The following ST6GALNAC5 variants were observed in gnomAD, a reference collection of about 807,000 sequenced individuals.
ST6GALNAC5 encodes ST6 N-acetylgalactosaminide alpha-2,6-sialyltransferase 5, also known as alpha-N-acetylgalactosaminide alpha-2,6-sialyltransferase 5.
A neutral mutation model predicts 33.6 loss-of-function variants in ST6GALNAC5; 27 were observed. That is an observed-to-expected ratio of 0.80 (90% confidence interval 0.59 to 1.11). ST6GALNAC5 has a LOEUF of 1.11. ST6GALNAC5 is among the 50% of genes least tolerant of loss of function. The pLI is 0.00. For synonymous variants in ST6GALNAC5, 194 were observed against 171.2 expected (o/e 1.13, Z -1.04); for missense variants, 428 against 454.0 (o/e 0.94, Z 0.52).
chr1:76,937,509 G>A (rs1647222607), intron 2 of ST6GALNAC5, among the ~76,000 whole-genome samples: 1 of 152,024 alleles, frequency 6.6e-6, no homozygotes, highest in African/African-American at 2.4e-5. Context: ...GAAGGGTTGA[G>A]GCGTCTGAGT....
intron 2 of ST6GALNAC5, among the ~76,000 whole-genome samples, chr1:76,912,090 T>C (rs368934865): frequency 2.6e-5 from 4 of 152,106 alleles, no homozygotes; most frequent in Admixed American, 2.0e-4. Context: ...CTACACACTG[T>C]TTTGAATGTG....
At chr1:76,940,381 A>T (rs970565240) in intron 2 of ST6GALNAC5, among the ~76,000 whole-genome samples, 3 of 152,124 alleles carry the variant, frequency 2.0e-5, no homozygotes, top group East Asian at 3.9e-4. Flanking sequence ...TGTGCCTAGT[A>T]AGTAAAACTG....
At chr1:76,937,908 A>G (rs1308958113) in intron 2 of ST6GALNAC5, among the ~76,000 whole-genome samples, 1 of 152,034 alleles carries the variant, frequency 6.6e-6, no homozygotes, top group Non-Finnish European at 1.5e-5. Context: ...ATTGTCTTAC[A>G]TCCCCTCATC....
At chr1:76,897,453 T>C (rs192107636) in intron 2 of ST6GALNAC5, among the ~76,000 whole-genome samples, 283 of 152,308 alleles carry the variant, frequency 1.9e-3, no homozygotes, top group Middle Eastern at 3.4e-3. Flanking sequence ...TAAAAGGCCA[T>C]GCTGTAGCAG....
intron 2 of ST6GALNAC5, among the ~76,000 whole-genome samples, chr1:77,030,963 G>A (rs1405193412): frequency 6.6e-6 from 1 of 152,144 alleles, no homozygotes; most frequent in South Asian, 2.1e-4. Context: ...TGTCTGGGCA[G>A]TCTGCCTAAG....
intron 2 of ST6GALNAC5, among the ~76,000 whole-genome samples, chr1:76,898,675 T>C (rs954718905): frequency 2.6e-5 from 4 of 152,186 alleles, no homozygotes; most frequent in African/African-American, 9.7e-5. Flanking sequence ...AGCATTAACC[T>C]TGACTATGCC....
chr1:77,054,063 A>T (rs1652312621), intron 4 of ST6GALNAC5, among the ~76,000 whole-genome samples: 1 of 152,196 alleles, frequency 6.6e-6, no homozygotes, highest in Admixed American at 6.5e-5. Flanking sequence ...ATAAACCACA[A>T]GCCTTTTATT....
chr1:77,023,916 G>A (rs542501803), intron 2 of ST6GALNAC5, among the ~76,000 whole-genome samples: 21 of 152,254 alleles, frequency 1.4e-4, no homozygotes, highest in African/African-American at 4.6e-4. Context: ...GATTAAGCCC[G>A]CATGGGTTTG....
At chr1:77,033,152 A>C (rs1453674101) in intron 2 of ST6GALNAC5, among the ~76,000 whole-genome samples, 1 of 152,222 alleles carries the variant, frequency 6.6e-6, no homozygotes, top group Non-Finnish European at 1.5e-5. Context: ...CAACCAATGT[A>C]CTAGCATTTC....
At chr1:76,923,177 T>C (rs1428987296) in intron 2 of ST6GALNAC5, among the ~76,000 whole-genome samples, 2 of 152,012 alleles carry the variant, frequency 1.3e-5, no homozygotes, top group Admixed American at 6.6e-5. Context: ...TGGGGAATAC[T>C]GGTAAAAGGC....
chr1:76,950,716 C>A (rs1197757008), intron 2 of ST6GALNAC5, among the ~76,000 whole-genome samples: 1 of 151,874 alleles, frequency 6.6e-6, no homozygotes, highest in African/African-American at 2.4e-5. Context: ...GGAGGAAAGA[C>A]AAGGGTAGAG....
chr1:77,017,278 G>T (rs1650887885), intron 2 of ST6GALNAC5, among the ~76,000 whole-genome samples: 1 of 152,052 alleles, frequency 6.6e-6, no homozygotes, highest in Non-Finnish European at 1.5e-5. Context: ...GAATGTCAAT[G>T]AAGTAGAACA....
intron 2 of ST6GALNAC5, among the ~76,000 whole-genome samples, chr1:76,883,524 T>A (rs990502384): frequency 6.6e-6 from 1 of 152,228 alleles, no homozygotes; most frequent in African/African-American, 2.4e-5. Flanking sequence ...GGGCTTCAGG[T>A]ATCTGACATA....
Position 76,868,039 on chromosome 1 carries a change from AG to A in ST6GALNAC5, c.15+355del, listed in dbSNP as rs1188521128. Among the ~76,000 whole-genome samples, 1 of 152,086 alleles carries A rather than the reference AG, an allele frequency of 6.6e-6. No individual in the cohort carries two copies. Among genetic ancestry groups the A allele is most frequent in the South Asian group, 2.1e-4 (1 of 4,824 alleles). On this transcript the variant is annotated intron_variant, in intron 1 of 4. Transcript: ENST00000477717. The surrounding 1 kb of genome is among the most constrained non-coding windows in gnomAD (Gnocchi z 4.3). ...CTGCCAAAAACTAAGAGGGACGGGG[AG>A]GGGGGACCTTTGCAGACTTTCTTCG... is the stretch of plus-strand genomic sequence containing the variant.
At chr1:77,004,071 A>G (rs1472357986) in intron 2 of ST6GALNAC5, among the ~76,000 whole-genome samples, 1 of 145,760 alleles carries the variant, frequency 6.9e-6, no homozygotes, top group Non-Finnish European at 1.5e-5. Flanking sequence ...CTCCTGGATA[A>G]TATCCTGCAG....
intron 2 of ST6GALNAC5, among the ~76,000 whole-genome samples, chr1:77,024,926 C>T (rs80034905): frequency 0.032 from 4,899 of 152,284 alleles, 111 homozygotes; most frequent in Middle Eastern, 0.071. Flanking sequence ...TAGTCAGCCC[C>T]TCACCAGACA....
chr1:76,975,786 G>C (rs965770114), intron 2 of ST6GALNAC5, among the ~76,000 whole-genome samples: 1 of 152,050 alleles, frequency 6.6e-6, no homozygotes, highest in Non-Finnish European at 1.5e-5. Context: ...CAAAATATTA[G>C]TTACCTTTAA....
intron 2 of ST6GALNAC5, among the ~76,000 whole-genome samples, chr1:76,985,023 TAAG>T (rs1288387937): frequency 2.0e-5 from 3 of 152,042 alleles, no homozygotes; most frequent in African/African-American, 4.8e-5. Context: ...CTCAAAATAA[TAAG>T]AACTATTTAT....
intron 2 of ST6GALNAC5, among the ~76,000 whole-genome samples, chr1:76,999,586 C>T (rs1012576784): frequency 1.7e-4 from 26 of 151,330 alleles, no homozygotes; most frequent in African/African-American, 5.6e-4. Context: ...GTGCGCTGCA[C>T]CCACTAACTC....
Sources: allele counts gnomAD v4.1 joint callset (sites outside exome capture counted in the v4.1 genomes callset), GRCh38; gene constraint gnomAD v4.1.1; non-coding constraint Gnocchi (gnomAD v3.1); transcripts MANE v1.5; gene names NCBI Gene and HGNC (gene_info 2026-07-23, HGNC 2026-07-21).